Variants in KCNIP4 observed in about 807,000 individuals in gnomAD.
KCNIP4 encodes the protein potassium voltage-gated channel interacting protein 4.
A neutral mutation model predicts 34.0 loss-of-function variants in KCNIP4; 12 were observed. The observed-to-expected ratio is 0.35, with a 90% CI of 0.23 to 0.57. The LOEUF is 0.57. Among genes scored for constraint, KCNIP4 ranks in the 20% least tolerant of loss-of-function variants. The pLI is 0.83. For synonymous variants in KCNIP4, 124 were observed against 102.2 expected (o/e 1.21, Z -1.29); for missense variants, 238 against 311.7 (o/e 0.76, Z 1.78).
At chr4:21,154,003 A>T (rs892125155) in intron 1 of KCNIP4, among the ~76,000 whole-genome samples, 1 of 152,150 alleles carries the variant, frequency 6.6e-6, no homozygotes, top group African/African-American at 2.4e-5. Context: ...TGGAAAAAAA[A>T]GGTAAGAAAT....
intron 1 of KCNIP4, among the ~76,000 whole-genome samples, chr4:21,857,803 C>T (rs1724848734): frequency 6.6e-6 from 1 of 152,182 alleles, no homozygotes; most frequent in Non-Finnish European, 1.5e-5. Flanking sequence ...TGAAACAACC[C>T]CCTTGCTCGC....
At chr4:20,878,353 C>G (rs1347153932) in intron 2 of KCNIP4, among the ~76,000 whole-genome samples, 1 of 152,150 alleles carries the variant, frequency 6.6e-6, no homozygotes, top group East Asian at 1.9e-4. Flanking sequence ...TTTCCTCCTT[C>G]TAGGACACTC....
In KCNIP4 at chr4:21,447,520, G is replaced by A. The variant is rs1031159202; in HGVS notation, c.61+501051C>T. Among the ~76,000 whole-genome samples the A allele has an allele frequency of 3.9e-5, 6 of 152,138 alleles. No individual in the cohort carries two copies. The South Asian group carries it at 6.2e-4, about 16-fold the overall frequency. On this transcript the variant is annotated intron_variant, in intron 1 of 8. Transcript: ENST00000382152. ...CAGTAGTGACTTGCTCATCTGCAGG[G>A]GATACATTCCAAGCCCCCTAGTGGA... is the stretch of plus-strand genomic sequence containing the variant.
intron 3 of KCNIP4, among the ~76,000 whole-genome samples, chr4:20,772,524 G>A (rs557136620): frequency 6.6e-5 from 10 of 152,274 alleles, no homozygotes; most frequent in Middle Eastern, 3.4e-3. Flanking sequence ...TTGGAGGATA[G>A]GACCTCAAGT....
chr4:21,267,940 G>T (rs954181213), intron 1 of KCNIP4, among the ~76,000 whole-genome samples: 3 of 151,726 alleles, frequency 2.0e-5, no homozygotes, highest in Non-Finnish European at 4.4e-5. Flanking sequence ...GTTCCTCCTT[G>T]TACCTCTGGT....
chr4:20,818,240 G>A (rs1037396327), intron 3 of KCNIP4, among the ~76,000 whole-genome samples: 1 of 152,180 alleles, frequency 6.6e-6, no homozygotes, highest in Admixed American at 6.5e-5. Flanking sequence ...GAAACTAAAA[G>A]GGGAGCCCCC....
In KCNIP4 at chr4:20,736,233, T is replaced by G. The variant is rs558043476; in HGVS notation, c.430-1498A>C. 5.9e-5 allele frequency among the ~76,000 whole-genome samples: 9 copies of G among 152,320 alleles called. No individual in the cohort carries two copies. The East Asian group carries it at 1.4e-3, about 23-fold the overall frequency. ...TATTTGTTTTACTAGCTAACAGACT[T>G]CTATACTTTTTTTTCCACTTAAGCA... is the stretch of plus-strand genomic sequence containing the variant. On this transcript the variant is annotated intron_variant, in intron 5 of 8. Coordinates refer to ENST00000382152, the MANE Select transcript of KCNIP4 (RefSeq NM_025221.6).
At chr4:21,362,283 C>T (rs769841108) in intron 1 of KCNIP4, among the ~76,000 whole-genome samples, 6 of 152,124 alleles carry the variant, frequency 3.9e-5, no homozygotes, top group Non-Finnish European at 8.8e-5. Context: ...CGCAGAATAG[C>T]CAAGAAGCTG....
At chr4:21,892,349 G>C (rs1578116844) in intron 1 of KCNIP4, among the ~76,000 whole-genome samples, 1 of 151,702 alleles carries the variant, frequency 6.6e-6, no homozygotes, top group Non-Finnish European at 1.5e-5. Context: ...TCTAGGCTAT[G>C]CTGCTAGAAG....
chr4:21,893,319 C>A (rs1035135472), intron 1 of KCNIP4, among the ~76,000 whole-genome samples: 37 of 152,124 alleles, frequency 2.4e-4, no homozygotes, highest in African/African-American at 8.7e-4. Context: ...TTTATTTTCC[C>A]TCCACTTACG....
At position 20,759,363 on chromosome 4, in the gene KCNIP4, T is replaced by C. The variant is rs765345156; in HGVS notation, c.289-473A>G. On this transcript the variant is annotated intron_variant, in intron 3 of 8. Coordinates refer to ENST00000382152, the MANE Select transcript of KCNIP4 (RefSeq NM_025221.6). ...AGAAGCTTCAACCAGTAATAGATAC[T>C]AATGCTTGTTAACAGGATGTCTAGG... is the stretch of plus-strand genomic sequence containing the variant. Among the ~76,000 whole-genome samples the C allele has an allele frequency of 2.9e-4, 44 of 152,188 alleles. 1 individual carries two copies. Among genetic ancestry groups the C allele is most frequent in the Non-Finnish European group, 4.0e-4 (27 of 68,030 alleles).
chr4:20,945,313 A>G (rs1732078459), intron 1 of KCNIP4, among the ~76,000 whole-genome samples: 1 of 152,168 alleles, frequency 6.6e-6, no homozygotes, highest in African/African-American at 2.4e-5. Context: ...GACACTGCCA[A>G]GTGACTTTCC....
chr4:21,452,600 C>T (rs980025656), intron 1 of KCNIP4, among the ~76,000 whole-genome samples: 2 of 151,926 alleles, frequency 1.3e-5, no homozygotes, highest in Admixed American at 6.6e-5. Context: ...ACAAAATAAG[C>T]ACATGGTAAA....
chr4:20,942,229 GAGA>G (rs1560587993), intron 1 of KCNIP4, among the ~76,000 whole-genome samples: 1 of 152,118 alleles, frequency 6.6e-6, no homozygotes, highest in Non-Finnish European at 1.5e-5. Context: ...TGAGTGTGAG[GAGA>G]AGAATTACAT....
chr4:21,507,178 T>C (rs1733915813), intron 1 of KCNIP4, among the ~76,000 whole-genome samples: 1 of 152,060 alleles, frequency 6.6e-6, no homozygotes, highest in African/African-American at 2.4e-5. Context: ...ATAAAAACTA[T>C]TGAGATCCAT....
At chr4:20,967,277 C>T (rs1413869131) in intron 1 of KCNIP4, among the ~76,000 whole-genome samples, 1 of 151,976 alleles carries the variant, frequency 6.6e-6, no homozygotes, top group African/African-American at 2.4e-5. Flanking sequence ...AGATATTACT[C>T]TCTCGACACA....
At chr4:20,921,802 AAAC>A (rs1245945072) in intron 1 of KCNIP4, among the ~76,000 whole-genome samples, 1 of 152,230 alleles carries the variant, frequency 6.6e-6, no homozygotes, top group East Asian at 1.9e-4. Flanking sequence ...GAATTGCTAA[AAAC>A]AACTATTAAT....
At chr4:21,235,500 T>G (rs1759292220) in intron 1 of KCNIP4, among the ~76,000 whole-genome samples, 1 of 152,194 alleles carries the variant, frequency 6.6e-6, no homozygotes, top group African/African-American at 2.4e-5. Flanking sequence ...CAGATATCCA[T>G]GACTTGCTTC....
Position 21,012,523 on chromosome 4 carries a change from T to C in KCNIP4, c.62-129814A>G, listed in dbSNP as rs375605383. On this transcript the variant is annotated intron_variant, in intron 1 of 8. Coordinates refer to ENST00000382152, the MANE Select transcript of KCNIP4 (RefSeq NM_025221.6). ...TCAAAGTTTCAGTAAGCAGTGATCA[T>C]GCCACTGCACTCCAGCCTGGGTGAC... Among the ~76,000 whole-genome samples the C allele has an allele frequency of 3.3e-5, 5 of 152,282 alleles. 1 individual carries two copies. Among genetic ancestry groups the C allele is most frequent in the Admixed American group, 1.3e-4 (2 of 15,290 alleles).
Sources: gnomAD v4.1 joint callset for allele counts (sites outside exome capture counted in the v4.1 genomes callset) on GRCh38, gnomAD v4.1.1 for gene constraint, MANE v1.5 for transcripts, NCBI Gene and HGNC (gene_info 2026-07-23, HGNC 2026-07-21) for gene names.